The following RARB variants were observed in gnomAD, a reference collection of about 807,000 sequenced individuals.
RARB encodes the protein retinoic acid receptor beta.
In RARB, 17 loss-of-function variants were observed where a neutral mutation model predicts 51.9. The ratio of observed to expected loss-of-function variants is 0.33; its 90% confidence interval spans 0.22 to 0.49. The LOEUF is 0.49. Ranked by LOEUF, RARB falls within the 20% of genes least tolerant of loss-of-function variation. The probability of loss-of-function intolerance (pLI) is 0.99; values close to 1 mark genes in which losing one functional copy is unlikely to be tolerated. For missense variants in RARB, 369 were observed against 550.8 expected, an observed-to-expected ratio of 0.67 and a Z score of 3.30; for synonymous variants, 215 against 195.4, an observed-to-expected ratio of 1.10 and a Z score of -0.84.
chr3:25,485,929 T>C (rs1177655295), intron 2 of RARB, among the ~76,000 whole-genome samples: 1 of 152,130 alleles, frequency 6.6e-6, no homozygotes, highest in African/African-American at 2.4e-5. Context: ...GTTGGGGTTG[T>C]GGAGTTTGGA....
intron 2 of RARB, among the ~76,000 whole-genome samples, chr3:24,941,909 T>C (rs920398936): frequency 6.6e-6 from 1 of 152,230 alleles, no homozygotes; most frequent in Non-Finnish European, 1.5e-5. Flanking sequence ...TGCAGTTCTC[T>C]TCTCACCTCA....
intron 2 of RARB, among the ~76,000 whole-genome samples, chr3:24,998,928 T>C (rs912460947): frequency 6.6e-6 from 1 of 152,144 alleles, no homozygotes; most frequent in African/African-American, 2.4e-5. Context: ...TCTGATTCTA[T>C]TATCTTGCAG....
chr3:24,919,292 T>C (rs1253389209), intron 2 of RARB, among the ~76,000 whole-genome samples: 1 of 152,226 alleles, frequency 6.6e-6, no homozygotes, highest in Non-Finnish European at 1.5e-5. Context: ...TTGTGTTAAA[T>C]TAAGTTTAGC....
chr3:25,126,283 C>G (rs890315219), intron 3 of RARB, among the ~76,000 whole-genome samples: 2 of 152,036 alleles, frequency 1.3e-5, no homozygotes, highest in African/African-American at 4.8e-5. Flanking sequence ...GCCTGGTAAC[C>G]AGATTTGTGC....
At chr3:25,229,378 T>C (rs1287915178) in intron 5 of RARB, among the ~76,000 whole-genome samples, 1 of 152,190 alleles carries the variant, frequency 6.6e-6, no homozygotes, top group South Asian at 2.1e-4. Flanking sequence ...TATTTCTAAA[T>C]TGAATTTGAT....
chr3:25,191,671 C>A (rs977424164), intron 5 of RARB, among the ~76,000 whole-genome samples: 6 of 152,086 alleles, frequency 3.9e-5, no homozygotes, highest in Admixed American at 3.3e-4. Context: ...TGGGGGAAGA[C>A]ATTAACTCAG....
At chr3:25,317,747 G>C (rs1181604008) in intron 5 of RARB, among the ~76,000 whole-genome samples, 2 of 152,108 alleles carry the variant, frequency 1.3e-5, no homozygotes, top group African/African-American at 4.8e-5. Context: ...TAATTGATAA[G>C]AATTTATAAT....
chr3:25,217,499 C>G (rs187566588), intron 5 of RARB, among the ~76,000 whole-genome samples: 1,871 of 152,132 alleles, frequency 0.012, 40 homozygotes, highest in East Asian at 0.036. Context: ...TACTCCCACC[C>G]CCCCCAATTC....
chr3:25,307,880 A>G (rs1168821013), intron 5 of RARB, among the ~76,000 whole-genome samples: 3 of 152,262 alleles, frequency 2.0e-5, no homozygotes, highest in African/African-American at 4.8e-5. Flanking sequence ...TTGGAACACA[A>G]TCATGTTTAT....
At chr3:24,943,759 T>C (rs1006687149) in intron 2 of RARB, among the ~76,000 whole-genome samples, 3 of 152,218 alleles carry the variant, frequency 2.0e-5, no homozygotes, top group Non-Finnish European at 2.9e-5. Flanking sequence ...ATTTTCTGAA[T>C]AAGCAGAGTG....
At chr3:25,208,758 A>G (rs935836790) in intron 5 of RARB, among the ~76,000 whole-genome samples, 1 of 152,072 alleles carries the variant, frequency 6.6e-6, no homozygotes, top group African/African-American at 2.4e-5. Flanking sequence ...AGCCCCTCAC[A>G]TGTTGGCTGC....
chr3:25,001,085 T>C (rs901244067), intron 2 of RARB, among the ~76,000 whole-genome samples: 8 of 152,102 alleles, frequency 5.3e-5, no homozygotes, highest in Admixed American at 1.3e-4. Flanking sequence ...ACTGTAATGC[T>C]GTGTCAAATG....
chr3:25,596,690 T>G lies in RARB; in HGVS notation c.*74T>G. 1 of 1,308,148 alleles carries G rather than the reference T, an allele frequency of 7.6e-7. No individual in the cohort carries two copies. Among genetic ancestry groups the G allele is most frequent in the Non-Finnish European group, 1.0e-6 (1 of 954,350 alleles). The allele number at this position is 1,308,148 out of a possible 1,614,324, so 81.0% of individuals were successfully genotyped here. ...ATTTAAAATGCAAGAAAAAACATTT[T>G]TACTGCTGCTTAGTTTTTGGACTGA... On this transcript the variant is annotated 3_prime_UTR_variant, in exon 8 of 8. Coordinates refer to ENST00000330688, the MANE Select transcript of RARB (RefSeq NM_000965.5).
intron 3 of RARB, among the ~76,000 whole-genome samples, chr3:25,547,339 A>T (rs532283516): frequency 3.9e-5 from 6 of 152,346 alleles, no homozygotes; most frequent in Non-Finnish European, 7.3e-5. Flanking sequence ...ACCCAAGGCC[A>T]GAAAAACAGA....
At chr3:25,261,504 A>G (rs1048744290) in intron 5 of RARB, among the ~76,000 whole-genome samples, 3 of 152,108 alleles carry the variant, frequency 2.0e-5, no homozygotes, top group Admixed American at 2.0e-4. Flanking sequence ...TCAGTCTATC[A>G]AATAGTCTAT....
At chr3:25,161,491 A>C (rs541556289) in intron 4 of RARB, among the ~76,000 whole-genome samples, 86 of 152,218 alleles carry the variant, frequency 5.6e-4, no homozygotes, top group Middle Eastern at 3.4e-3. Flanking sequence ...CAGAGACCTA[A>C]CTCCATGTCC....
chr3:25,424,317 C>G (rs540536185), upstream of RARB, among the ~76,000 whole-genome samples: 6 of 152,168 alleles, frequency 3.9e-5, no homozygotes, highest in East Asian at 5.8e-4. Flanking sequence ...GGTGTTCATA[C>G]TGAAGGGCCA....
chr3:25,267,638 G>T (rs751126745), intron 5 of RARB, among the ~76,000 whole-genome samples: 6 of 152,036 alleles, frequency 3.9e-5, no homozygotes, highest in African/African-American at 7.2e-5. Flanking sequence ...CTTGAGTGAG[G>T]TTATTTTTAT....
chr3:25,524,752 TAC>T (rs1698570205), intron 3 of RARB, among the ~76,000 whole-genome samples: 1 of 152,034 alleles, frequency 6.6e-6, no homozygotes, highest in East Asian at 1.9e-4. Flanking sequence ...TTTCATGAGA[TAC>T]AGTCTCGCTT....
Sources: allele counts gnomAD v4.1 joint callset (sites outside exome capture counted in the v4.1 genomes callset), GRCh38; gene constraint gnomAD v4.1.1; transcripts MANE v1.5; gene names NCBI Gene and HGNC (gene_info 2026-07-23, HGNC 2026-07-21).